The following AUTS2 variants were observed in gnomAD, a reference collection of about 807,000 sequenced individuals.
The protein encoded by AUTS2 is autism susceptibility gene 2 protein.
Under a neutral mutation model 112.4 loss-of-function variants are expected in AUTS2, and 17 were observed. The observed-to-expected ratio is 0.15, with a 90% CI of 0.10 to 0.23. The LOEUF (loss-of-function observed/expected upper bound fraction) is 0.23. Ranked by LOEUF, AUTS2 falls within the 10% of genes least tolerant of loss-of-function variation. The pLI, the probability that AUTS2 is intolerant of heterozygous loss-of-function variation, is 1.00. For missense variants in AUTS2, 1,510 were observed against 1,701.6 expected (o/e 0.89, Z 1.98); for synonymous variants, 751 against 702.7 (o/e 1.07, Z -1.09).
At chr7:69,808,989 C>A (rs1255925420) in intron 1 of AUTS2, among the ~76,000 whole-genome samples, 1 of 152,254 alleles carries the variant, frequency 6.6e-6, no homozygotes, top group Non-Finnish European at 1.5e-5. Flanking sequence ...TGTGTGACAT[C>A]ATACCTATCT....
Position 70,631,526 on chromosome 7 carries a change from T to C in AUTS2, c.691-67043T>C, listed in dbSNP as rs965308174. ...GGGACGGGGTGGTCGCAACCTAGAA[T>C]GTGGGCTGGAGAGCGCTGTCCCAGT... On this transcript the variant is annotated intron_variant, in intron 5 of 18. Transcript: ENST00000342771. This position sits in a 1 kb window ranked among gnomAD's most constrained non-coding sequence, Gnocchi z 4.5. Among the ~76,000 whole-genome samples, 1 of 151,990 alleles carries C rather than the reference T, an allele frequency of 6.6e-6. No individual in the cohort carries two copies. The highest frequency in any genetic ancestry group is 6.5e-5 in the Admixed American group (1 of 15,272).
At chr7:70,776,341 A>G (rs1209771378) in intron 13 of AUTS2, among the ~76,000 whole-genome samples, 1 of 152,208 alleles carries the variant, frequency 6.6e-6, no homozygotes, top group Non-Finnish European at 1.5e-5. Flanking sequence ...GACTGGTAGA[A>G]GAGAATACAC....
chr7:69,802,490 T>C (rs1295720395), intron 1 of AUTS2, among the ~76,000 whole-genome samples: 1 of 152,180 alleles, frequency 6.6e-6, no homozygotes, highest in Admixed American at 6.5e-5. Context: ...CTTGATGGCT[T>C]CCTTATCTGT....
intron 1 of AUTS2, among the ~76,000 whole-genome samples, chr7:69,704,469 G>C (rs1426805504): frequency 6.6e-6 from 1 of 151,904 alleles, no homozygotes; most frequent in Non-Finnish European, 1.5e-5. Context: ...TAGTAGAGAC[G>C]GGATTTCATC....
In AUTS2 at chr7:70,766,360, G is replaced by C. The variant is rs753001794; in HGVS notation, c.1689+26G>C. The C allele has an allele frequency of 6.2e-7, 1 of 1,612,408 alleles. No homozygotes were observed. On this transcript the variant is annotated intron_variant, in intron 9 of 18. Transcript: ENST00000342771. This position sits in a 1 kb window ranked among gnomAD's most constrained non-coding sequence, Gnocchi z 4.8. ...GTGCGTACCCCAGGCAGAAATGTGA[G>C]GATAAGTAGAGCACGACTCTTTTCT...
chr7:70,704,941 C>T (rs1809657039), intron 6 of AUTS2, among the ~76,000 whole-genome samples: 3 of 152,172 alleles, frequency 2.0e-5, no homozygotes, highest in Non-Finnish European at 4.4e-5. Flanking sequence ...GCCAGTTAAG[C>T]GCCTACAGAT....
chr7:69,619,507 C>T (rs1422035581), intron 1 of AUTS2, among the ~76,000 whole-genome samples: 1 of 152,078 alleles, frequency 6.6e-6, no homozygotes, highest in East Asian at 1.9e-4. Context: ...ACAGGTTTAT[C>T]AGTGAAATAT....
intron 5 of AUTS2, among the ~76,000 whole-genome samples, chr7:70,669,151 C>A (rs535015453): frequency 1.1e-4 from 17 of 152,206 alleles, no homozygotes; most frequent in African/African-American, 4.1e-4. Flanking sequence ...ACCCGAACAG[C>A]GGTCAGAAGT....
intron 4 of AUTS2, among the ~76,000 whole-genome samples, chr7:70,401,645 A>G (rs1794331591): frequency 6.6e-6 from 1 of 152,216 alleles, no homozygotes; most frequent in Non-Finnish European, 1.5e-5. Flanking sequence ...GCCTACGGTT[A>G]GGAGTCATAT....
In AUTS2 at chr7:69,773,156, T is replaced by C. The variant is rs149735566; in HGVS notation, c.310-126130T>C. ...GCTATGTGACCTTGGGAAGTTCATG[T>C]AAATGCAGTGTCTCTTGCCTTACAT... On this transcript the variant is annotated intron_variant, in intron 1 of 18. Transcript: ENST00000342771. 1.4e-3 allele frequency among the ~76,000 whole-genome samples: 220 copies of C among 152,284 alleles called. 1 individual carries two copies. The highest frequency in any genetic ancestry group is 3.4e-3 in the Middle Eastern group (1 of 294).
chr7:69,652,297 A>C (rs1450063791), intron 1 of AUTS2, among the ~76,000 whole-genome samples: 1 of 151,946 alleles, frequency 6.6e-6, no homozygotes, highest in Non-Finnish European at 1.5e-5. Flanking sequence ...TGCCTGATAG[A>C]GAGGCCATTC....
In AUTS2 at chr7:69,872,834, C is replaced by CTTTTTTTTTTTTTTTTT. The variant is rs1164356683; in HGVS notation, c.310-26442_310-26426dup. 4.8e-4 allele frequency among the ~76,000 whole-genome samples: 34 copies of CTTTTTTTTTTTTTTTTT among 70,422 alleles called. 4 individuals are homozygous for CTTTTTTTTTTTTTTTTT. Among genetic ancestry groups the CTTTTTTTTTTTTTTTTT allele is most frequent in the African/African-American group, 8.1e-4 (13 of 16,056 alleles). The allele number at this position is 70,422 out of a possible 152,430, so 46.2% of individuals were successfully genotyped here. ...GGTGGCACTTGATGTAGCCTATATT[C>CTTTTTTTTTTTTTTTTT]TTTTTTTTTTTTTTTTTTTTTTTTT... On this transcript the variant is annotated intron_variant, in intron 1 of 18. Coordinates refer to ENST00000342771, the MANE Select transcript of AUTS2 (RefSeq NM_015570.4).
At chr7:70,330,486 G>GTCT (rs142930077) in intron 4 of AUTS2, among the ~76,000 whole-genome samples, 128 of 152,294 alleles carry the variant, frequency 8.4e-4, no homozygotes, top group African/African-American at 2.9e-3. Context: ...TGGTCTGCGT[G>GTCT]TCTATCCTTA....
At chr7:69,868,576 A>C (rs1793342723) in intron 1 of AUTS2, among the ~76,000 whole-genome samples, 1 of 152,194 alleles carries the variant, frequency 6.6e-6, no homozygotes. Context: ...CCACATAAGT[A>C]AGTCTACTCC....
intron 1 of AUTS2, among the ~76,000 whole-genome samples, chr7:69,714,343 A>G (rs1194173202): frequency 6.6e-6 from 1 of 150,748 alleles, no homozygotes; most frequent in East Asian, 2.0e-4. Context: ...CCTAGGCTCA[A>G]TCGATCCTCC....
chr7:70,213,513 G>C (rs1445966608), intron 4 of AUTS2, among the ~76,000 whole-genome samples: 1 of 149,860 alleles, frequency 6.7e-6, no homozygotes, highest in Non-Finnish European at 1.5e-5. Context: ...TCCAGCCGAG[G>C]TGACAGAGCA....
chr7:70,226,705 A>G (rs990577790), intron 4 of AUTS2, among the ~76,000 whole-genome samples: 2 of 152,156 alleles, frequency 1.3e-5, no homozygotes, highest in African/African-American at 4.8e-5. Flanking sequence ...AATATCTACT[A>G]CATGCTGGGT....
intron 2 of AUTS2, among the ~76,000 whole-genome samples, chr7:70,086,776 TTGC>T (rs1445778522): frequency 6.6e-6 from 1 of 152,168 alleles, no homozygotes; most frequent in African/African-American, 2.4e-5. Flanking sequence ...TAATTATTCC[TTGC>T]TGCAATGTAA....
At position 69,879,224 on chromosome 7, in the gene AUTS2, T is replaced by A. The variant is rs976839893; in HGVS notation, c.310-20062T>A. Among the ~76,000 whole-genome samples the A allele has an allele frequency of 2.0e-5, 3 of 151,850 alleles. No individual in the cohort carries two copies. In the East Asian group the frequency reaches 5.8e-4, roughly 29 times the overall value. On this transcript the variant is annotated intron_variant, in intron 1 of 18. Transcript: ENST00000342771. ...TGGCACGATCTCAGCTCACTGCAGC[T>A]TCCCTCCATCCTGGGCTCAAGTCAT...
Sources: allele counts gnomAD v4.1 joint callset (sites outside exome capture counted in the v4.1 genomes callset), GRCh38; gene constraint gnomAD v4.1.1; non-coding constraint Gnocchi (gnomAD v3.1); transcripts MANE v1.5; gene names NCBI Gene and HGNC (gene_info 2026-07-23, HGNC 2026-07-21).